Variants in RAP1B observed in about 807,000 individuals in gnomAD.
RAP1B encodes RAP1B, member of RAS oncogene family.
A neutral mutation model predicts 27.5 loss-of-function variants in RAP1B; 1 was observed. That is an observed-to-expected ratio of 0.04 (90% confidence interval 0.01 to 0.17). The LOEUF (loss-of-function observed/expected upper bound fraction) is 0.17. RAP1B is among the 10% of genes least tolerant of loss of function. The pLI, the probability that RAP1B is intolerant of heterozygous loss-of-function variation, is 1.00. For missense variants in RAP1B, 84 were observed against 214.8 expected, an observed-to-expected ratio of 0.39 and a Z score of 3.81; for synonymous variants, 75 against 73.1, an observed-to-expected ratio of 1.03 and a Z score of -0.13.
At chr12:68,632,466 A>G (rs1226943561) in intron 1 of RAP1B, among the ~76,000 whole-genome samples, 1 of 152,104 alleles carries the variant, frequency 6.6e-6, no homozygotes, top group African/African-American at 2.4e-5. Flanking sequence ...ACAAAGCAAA[A>G]TTACTTGTGC....
intron 1 of RAP1B, among the ~76,000 whole-genome samples, chr12:68,612,838 C>T (rs1003779509): frequency 5.9e-5 from 9 of 151,804 alleles, no homozygotes; most frequent in Non-Finnish European, 1.2e-4. Context: ...CTTATTTGAG[C>T]TCATCTGTGC....
chr12:68,622,621 C>A (rs1487272719), intron 1 of RAP1B, among the ~76,000 whole-genome samples: 1 of 152,154 alleles, frequency 6.6e-6, no homozygotes, highest in East Asian at 1.9e-4. Flanking sequence ...AAGGAGCATT[C>A]CTCTTCATTA....
At position 68,657,906 on chromosome 12, in the gene RAP1B, T is replaced by C. The variant is rs528819383; in HGVS notation, c.*30+689T>C. On this transcript the variant is annotated intron_variant, in intron 7 of 7. Transcript: ENST00000250559. The stretch of plus-strand genomic sequence containing the variant: ...ACACACACCCCTGACATGTTCATCA[T>C]GTGCCACTTTTTTTTTTTTCCTTCA... Among the ~76,000 whole-genome samples the C allele has an allele frequency of 2.2e-3, 336 of 151,788 alleles. 2 individuals are homozygous for C. The highest frequency in any genetic ancestry group is 7.8e-3 in the African/African-American group (321 of 41,410).
chr12:68,638,684 G>A (rs953709440), intron 1 of RAP1B, among the ~76,000 whole-genome samples: 1 of 151,892 alleles, frequency 6.6e-6, no homozygotes, highest in Admixed American at 6.6e-5. Context: ...TTTTGAGACA[G>A]AGTCTCACTC....
chr12:68,634,184 T>A (rs1023693314), intron 1 of RAP1B, among the ~76,000 whole-genome samples: 3 of 152,192 alleles, frequency 2.0e-5, no homozygotes, highest in African/African-American at 4.8e-5. Context: ...GATATAATTT[T>A]AAAAAATAGC....
chr12:68,620,629 G>T (rs2135917576), intron 1 of RAP1B, among the ~76,000 whole-genome samples: 1 of 149,774 alleles, frequency 6.7e-6, no homozygotes, highest in African/African-American at 2.5e-5. Context: ...TTGAGACAAG[G>T]TCTCACTGTC....
intron 4 of RAP1B, 69 bp downstream of exon 4, chr12:68,652,120 C>G (rs367798328): frequency 2.7e-5 from 32 of 1,182,688 alleles, no homozygotes; most frequent in Non-Finnish European, 3.8e-5. Flanking sequence ...TGCTAGTACT[C>G]TATAGACAAA....
Position 68,632,136 on chromosome 12 carries a change from T to TTTG in RAP1B, c.-26-16561_-26-16560insGTT, listed in dbSNP as rs1565662871. On this transcript the variant is annotated intron_variant, in intron 1 of 7. Coordinates refer to ENST00000250559, the MANE Select transcript of RAP1B (RefSeq NM_001010942.3). ...TTTTTGGGTTTTGGATTTGTTTTTT[T>TTTG]TTTTTTTTTGTTTGTTTTTTTTTTC... Among the ~76,000 whole-genome samples, 118 of 134,234 alleles carry TTTG rather than the reference T, an allele frequency of 8.8e-4. 7 individuals are homozygous for TTTG. Among genetic ancestry groups the TTTG allele is most frequent in the African/African-American group, 3.8e-3 (113 of 29,888 alleles). The allele number at this position is 134,234 out of a possible 152,430, so 88.1% of individuals were successfully genotyped here. A position where few individuals can be genotyped will look rare whatever the true frequency, so the allele number is the denominator to read the frequency against.
rs1014867235 is a variant in RAP1B at position 68,662,498 on chromosome 12, T to A, written c.*3249T>A. ...TTATAAAATGAAGTTTTGCCGTTTT[T>A]TTTTTTAAATCATTCCGTCTTTAGT... On this transcript the variant is annotated 3_prime_UTR_variant, in exon 8 of 8. Transcript: ENST00000250559. 4 of 152,124 alleles carry A rather than the reference T, an allele frequency of 2.6e-5. No homozygotes were observed. The highest frequency in any genetic ancestry group is 1.3e-4 in the Admixed American group (2 of 15,278). The allele number at this position is 152,124 out of a possible 1,614,324, so 9.4% of individuals were successfully genotyped here.
Position 68,648,740 on chromosome 12 carries a change from C to T in RAP1B, c.16C>T (p.Leu6=), listed in dbSNP as rs759096089. The T allele has an allele frequency of 1.2e-6, 2 of 1,611,642 alleles. No homozygotes were observed. Among genetic ancestry groups the T allele is most frequent in the South Asian group, 2.2e-5 (2 of 90,778 alleles). The change falls in exon 2 of 8, where the codon CTA becomes TTA. Residue 6 remains leucine, a synonymous_variant. Transcript: ENST00000250559. ...AGCTTGCATCATGCGTGAGTATAAG[C>T]TAGTCGTTCTTGGCTCAGGAGGCGT... MREYK[L]VVLGSGGVGK...
rs1555173464 is a variant in RAP1B, at chr12:68,654,353, G to GGGA, written c.324+103_324+104insAGG. ...TTTTAAAGCTTGTGTATTTTGGTTGGGGGGGGGGTGTTGGTTTTTTTAAAC... is the reference window on the plus strand; with the variant it reads ...TTTTAAAGCTTGTGTATTTTGGTTGGGGAGGGGGGGGTGTTGGTTTTTTTAAAC... On this transcript the variant is annotated intron_variant, in intron 5 of 7. Coordinates refer to ENST00000250559, the MANE Select transcript of RAP1B (RefSeq NM_001010942.3). 6.7e-6 allele frequency: 3 copies of GGGA among 450,956 alleles called. 1 individual carries two copies. The highest frequency in any genetic ancestry group is 3.3e-6 in the Non-Finnish European group (1 of 298,726). 27.9% of individuals were successfully genotyped at this position (450,956 alleles called of 1,614,324 possible). A position where few individuals can be genotyped will look rare whatever the true frequency, so the allele number is the denominator to read the frequency against.
chr12:68,642,734 G>T, intron 1 of RAP1B: 2 of 1,074,520 alleles, frequency 1.9e-6, no homozygotes, highest in Non-Finnish European at 1.5e-6. Flanking sequence ...ATCCACCTGC[G>T]CAGTATATTT....
chr12:68,634,446 A>G (rs1009749818), intron 1 of RAP1B, among the ~76,000 whole-genome samples: 5 of 152,218 alleles, frequency 3.3e-5, no homozygotes, highest in African/African-American at 9.6e-5. Context: ...TTTTACTGCT[A>G]GTTCAGATGA....
chr12:68,643,757 T>C (rs1181782184), intron 1 of RAP1B, among the ~76,000 whole-genome samples: 1 of 152,158 alleles, frequency 6.6e-6, no homozygotes, highest in Non-Finnish European at 1.5e-5. Flanking sequence ...TTATCAGCAT[T>C]CTTATAATAA....
chr12:68,638,563 TATC>T (rs1352630865), intron 1 of RAP1B, among the ~76,000 whole-genome samples: 2 of 152,210 alleles, frequency 1.3e-5, no homozygotes, highest in African/African-American at 4.8e-5. Flanking sequence ...ATATCTATAA[TATC>T]AAACAACCAT....
intron 1 of RAP1B, chr12:68,627,419 G>A: frequency 2.1e-6 from 1 of 479,586 alleles, no homozygotes; most frequent in Non-Finnish European, 3.8e-6. Context: ...ATCCCTACTA[G>A]AATGAGAGAT....
intron 6 of RAP1B, 70 bp from the exon 7 acceptor site, chr12:68,657,031 C>A: frequency 1.5e-6 from 2 of 1,303,520 alleles, no homozygotes; most frequent in South Asian, 1.3e-5. Flanking sequence ...TCTGTTTTTT[C>A]AATTTACTTT....
intron 1 of RAP1B, among the ~76,000 whole-genome samples, chr12:68,635,943 A>G (rs745897639): frequency 6.6e-6 from 1 of 151,782 alleles, no homozygotes; most frequent in Non-Finnish European, 1.5e-5. Context: ...CAGTGGCAAA[A>G]TCTCTACTTA....
At chr12:68,633,097 T>C (rs1463230968) in intron 1 of RAP1B, among the ~76,000 whole-genome samples, 1 of 152,244 alleles carries the variant, frequency 6.6e-6, no homozygotes, top group African/African-American at 2.4e-5. Flanking sequence ...TCTGTTCCTA[T>C]TTCTATTTCT....
Sources: gnomAD v4.1 joint callset for allele counts (sites outside exome capture counted in the v4.1 genomes callset) on GRCh38, gnomAD v4.1.1 for gene constraint, MANE v1.5 for transcripts, NCBI Gene and HGNC (gene_info 2026-07-23, HGNC 2026-07-21) for gene names.